EDF1: variants seen among roughly 807,000 people sequenced by gnomAD.
EDF1 encodes the protein endothelial differentiation-related factor 1.
Under a neutral mutation model 20.8 loss-of-function variants are expected in EDF1, and 5 were observed. The observed-to-expected ratio is 0.24, with a 90% CI of 0.13 to 0.51. The LOEUF (loss-of-function observed/expected upper bound fraction) is 0.51. Ranked by LOEUF, EDF1 falls within the 20% of genes least tolerant of loss-of-function variation. EDF1 has a pLI of 0.97. For synonymous variants in EDF1, 96 were observed against 78.5 expected (o/e 1.22, Z -1.18); for missense variants, 137 against 197.8 (o/e 0.69, Z 1.84).
At position 136,862,334 on chromosome 9, in the gene EDF1, G is replaced by T; in HGVS notation, c.397C>A (p.Arg133=). 1 of 1,613,866 alleles carries T rather than the reference G, an allele frequency of 6.2e-7. No individual in the cohort carries two copies. The highest frequency in any genetic ancestry group is 8.5e-7 in the Non-Finnish European group (1 of 1,179,972). ...ATGGGCTTTCCAATGTCCTTTCCCC[G>T]GAGCTTGAGGCCTGAAATGAGCCAC... is the stretch of plus-strand genomic sequence containing the variant. ...KIERAIGLKL[R]GKDIGKPIEK... The change falls in exon 5 of 5, where the codon CGG becomes AGG. Residue 133 remains arginine (R), a synonymous_variant. Coordinates refer to ENST00000224073, the MANE Select transcript of EDF1 (RefSeq NM_003792.4). This position sits in a 1 kb window ranked among gnomAD's most constrained non-coding sequence, Gnocchi z 4.1.
At chr9:136,864,650 G>A (rs561291452) in intron 1 of EDF1, among the ~76,000 whole-genome samples, 40 of 151,668 alleles carry the variant, frequency 2.6e-4, no homozygotes, top group Non-Finnish European at 4.9e-4. Context: ...TTGAGACAGA[G>A]TCTCACTCTG....
At chr9:136,864,740 C>T (rs1297894546) in intron 1 of EDF1, among the ~76,000 whole-genome samples, 2 of 152,152 alleles carry the variant, frequency 1.3e-5, no homozygotes, top group African/African-American at 4.8e-5. Flanking sequence ...TCTCCTGCCT[C>T]AGCCTCCCGA....
Position 136,866,301 on chromosome 9 carries a change from T to C in EDF1, c.-43A>G, listed in dbSNP as rs1849228436. ...GTCCGTCCGGCGGCTCAGCGGCAGC[T>C]GCTAGAGACCTGGCGCGGCGACGCT... On this transcript the variant is annotated 5_prime_UTR_variant, in exon 1 of 5. Coordinates refer to ENST00000224073, the MANE Select transcript of EDF1 (RefSeq NM_003792.4). 1 of 1,583,578 alleles carries C rather than the reference T, an allele frequency of 6.3e-7. No homozygotes were observed. Among genetic ancestry groups the C allele is most frequent in the Non-Finnish European group, 8.6e-7 (1 of 1,169,528 alleles).
chr9:136,863,428 GTTTGTT>G lies in EDF1; in HGVS notation c.145_150del (p.Asn49_Lys50del). 6.2e-7 allele frequency: 1 copy of G among 1,614,004 alleles called. No homozygotes were observed. Among genetic ancestry groups the G allele is most frequent in the Non-Finnish European group, 8.5e-7 (1 of 1,179,916 alleles). ...GCCGTGTTCTTGGTAATAGAATGTT[GTTTGTT>G]CTGGCCAGCAGCCCCTGGAGTCGGT... On this transcript the variant is annotated inframe_deletion, in exon 3 of 5. Coordinates refer to ENST00000224073, the MANE Select transcript of EDF1 (RefSeq NM_003792.4). The surrounding 1 kb of genome is among the most constrained non-coding windows in gnomAD (Gnocchi z 4.5).
chr9:136,862,366 T>C lies in EDF1; in HGVS notation c.386-21A>G. 6.2e-7 allele frequency: 1 copy of C among 1,614,016 alleles called. No individual in the cohort carries two copies. Among genetic ancestry groups the C allele is most frequent in the East Asian group, 2.2e-5 (1 of 44,872 alleles). On this transcript the variant is annotated intron_variant, in intron 4 of 4. Transcript: ENST00000224073. The surrounding 1 kb of genome is among the most constrained non-coding windows in gnomAD (Gnocchi z 4.1). ...GAGGCCTGAAATGAGCCACAGCCACTGGCCACTGCAGCACCAGCTCCCTCC... is the reference window on the plus strand; with the variant it reads ...GAGGCCTGAAATGAGCCACAGCCACCGGCCACTGCAGCACCAGCTCCCTCC...
intron 1 of EDF1, among the ~76,000 whole-genome samples, chr9:136,865,925 G>GCCTCCTGGGTCCGTCCATCC (rs1361923450): frequency 7.7e-6 from 1 of 129,104 alleles, no homozygotes; most frequent in Non-Finnish European, 1.6e-5. Context: ...CCCGCCCCCT[G>GCCTCCTGGGTCCGTCCATCC]CCTCCTGGGT....
Position 136,862,638 on chromosome 9 carries a change from C to T in EDF1, c.385+268G>A, listed in dbSNP as rs1233479553. ...GGCCCGGACCCGCTGTGCTCAGGCT[C>T]AGAGAACCATCGCCAACAGCACAGG... On this transcript the variant is annotated intron_variant, in intron 4 of 4. Coordinates refer to ENST00000224073, the MANE Select transcript of EDF1 (RefSeq NM_003792.4). The surrounding 1 kb of genome is among the most constrained non-coding windows in gnomAD (Gnocchi z 4.1). The T allele has an allele frequency of 4.0e-6, 6 of 1,502,630 alleles. No individual in the cohort carries two copies. The highest frequency in any genetic ancestry group is 1.3e-5 in the South Asian group (1 of 78,386). The allele number at this position is 1,502,630 out of a possible 1,614,324, so 93.1% of individuals were successfully genotyped here. A position where few individuals can be genotyped will look rare whatever the true frequency, so the allele number is the denominator to read the frequency against.
At position 136,863,240 on chromosome 9, in the gene EDF1, C is replaced by G; in HGVS notation, c.291+48G>C. ...TGCTATCTGAACACCGGCCATCCCC[C>G]TCCCCAAACCCACAACCCCAGGAGT... On this transcript the variant is annotated intron_variant, in intron 3 of 4. Transcript: ENST00000224073. This position sits in a 1 kb window ranked among gnomAD's most constrained non-coding sequence, Gnocchi z 4.5. 7.6e-6 allele frequency: 12 copies of G among 1,588,450 alleles called. No individual in the cohort carries two copies. The highest frequency in any genetic ancestry group is 1.0e-5 in the Non-Finnish European group (12 of 1,168,110).
Position 136,862,685 on chromosome 9 carries a change from A to G in EDF1, c.385+221T>C, listed in dbSNP as rs564103350. ...CAGGCTGACGGGAACTGGCAAGGGG[A>G]AGGGACTCGGACTCCACTTGCTCTT... is the stretch of plus-strand genomic sequence containing the variant. On this transcript the variant is annotated intron_variant, in intron 4 of 4. Coordinates refer to ENST00000224073, the MANE Select transcript of EDF1 (RefSeq NM_003792.4). This position sits in a 1 kb window ranked among gnomAD's most constrained non-coding sequence, Gnocchi z 4.1. 2.5e-5 allele frequency: 38 copies of G among 1,492,724 alleles called. No individual in the cohort carries two copies. In the African/African-American group the frequency reaches 4.9e-4, roughly 19 times the overall value. 92.5% of individuals were successfully genotyped at this position (1,492,724 alleles called of 1,614,324 possible). A position where few individuals can be genotyped will look rare whatever the true frequency, so the allele number is the denominator to read the frequency against.
Position 136,863,196 on chromosome 9 carries a change from G to C in EDF1, c.291+92C>G. On this transcript the variant is annotated intron_variant, in intron 3 of 4. Coordinates refer to ENST00000224073, the MANE Select transcript of EDF1 (RefSeq NM_003792.4). The surrounding 1 kb of genome is among the most constrained non-coding windows in gnomAD (Gnocchi z 4.5). ...CATTCCCTGCAGGGGAACCAGGGGG[G>C]TGGAGCCCACCCTCCCCGTGCTATC... 2 of 1,552,056 alleles carry C rather than the reference G, an allele frequency of 1.3e-6. No individual in the cohort carries two copies. Among genetic ancestry groups the C allele is most frequent in the Admixed American group, 1.7e-5 (1 of 57,478 alleles).
In EDF1 at chr9:136,862,214, C is replaced by CGGAACTGGCGGCCAAGG; in HGVS notation, c.*53_*69dup. On this transcript the variant is annotated 3_prime_UTR_variant, in exon 5 of 5. Coordinates refer to ENST00000224073, the MANE Select transcript of EDF1 (RefSeq NM_003792.4). The surrounding 1 kb of genome is among the most constrained non-coding windows in gnomAD (Gnocchi z 4.1). ...TGTTCCGTTCGGCCCGTGAGGAGAA[C>CGGAACTGGCGGCCAAGG]GGAACTGGCGGCCAAGGGGAACCGG... is the stretch of plus-strand genomic sequence containing the variant. The CGGAACTGGCGGCCAAGG allele has an allele frequency of 6.3e-7, 1 of 1,599,778 alleles. No homozygotes were observed. Among genetic ancestry groups the CGGAACTGGCGGCCAAGG allele is most frequent in the East Asian group, 2.2e-5 (1 of 44,698 alleles).
chr9:136,862,764 G>A lies in EDF1; in HGVS notation c.385+142C>T, dbSNP rs1356629129. 1.4e-5 allele frequency: 22 copies of A among 1,593,696 alleles called. No individual in the cohort carries two copies. Among genetic ancestry groups the A allele is most frequent in the Non-Finnish European group, 1.8e-5 (21 of 1,172,826 alleles). ...CACCATCCCTCAGTCTGTACTACCT[G>A]GAGAAGCAAAGCTCCAGAATTCAGA... is the stretch of plus-strand genomic sequence containing the variant. On this transcript the variant is annotated intron_variant, in intron 4 of 4. Transcript: ENST00000224073. This position sits in a 1 kb window ranked among gnomAD's most constrained non-coding sequence, Gnocchi z 4.1.
At position 136,862,515 on chromosome 9, in the gene EDF1, A is replaced by C; in HGVS notation, c.386-170T>G. The C allele has an allele frequency of 6.2e-7, 1 of 1,609,720 alleles. No individual in the cohort carries two copies. The highest frequency in any genetic ancestry group is 8.5e-7 in the Non-Finnish European group (1 of 1,179,706). ...CCCACATCTAATTTTGAAGAGGATG[A>C]GTCTGATCACCTTAGACAGCAGAGC... On this transcript the variant is annotated intron_variant, in intron 4 of 4. Transcript: ENST00000224073. This position sits in a 1 kb window ranked among gnomAD's most constrained non-coding sequence, Gnocchi z 4.1.
rs1849136002 is a variant in EDF1, at chr9:136,862,934, C to T, written c.357G>A (p.Gln119=). The change falls in exon 4 of 5, where the codon CAG becomes CAA. Residue 119 remains glutamine, a synonymous_variant. Transcript: ENST00000224073. The surrounding 1 kb of genome is among the most constrained non-coding windows in gnomAD (Gnocchi z 4.1). ...YESGRAIPNN[Q]VLGKIERAIG... is the part of the protein sequence containing the mutation. ...TGGCCCGCTCGATTTTGCCAAGCAC[C>T]TGGTTATTGGGTATGGCCCGTCCGC... The T allele has an allele frequency of 1.2e-6, 2 of 1,613,970 alleles. No homozygotes were observed. Among genetic ancestry groups the T allele is most frequent in the East Asian group, 4.5e-5 (2 of 44,890 alleles).
In EDF1 at chr9:136,863,096, C is replaced by G. The variant is rs1849140355; in HGVS notation, c.292-97G>C. The G allele has an allele frequency of 1.3e-6, 2 of 1,554,724 alleles. No individual in the cohort carries two copies. The highest frequency in any genetic ancestry group is 2.7e-5 in the African/African-American group (2 of 73,660). Reference sequence around the variant, plus strand: ...CTGAGAACAGCAGCTTCTAGGGCCCCTGGGGTACGCACCCACACGCAGCTG... The same window carrying G: ...CTGAGAACAGCAGCTTCTAGGGCCCGTGGGGTACGCACCCACACGCAGCTG... On this transcript the variant is annotated intron_variant, in intron 3 of 4. Transcript: ENST00000224073. This position sits in a 1 kb window ranked among gnomAD's most constrained non-coding sequence, Gnocchi z 4.5.
intron 1 of EDF1, among the ~76,000 whole-genome samples, chr9:136,865,974 C>G (rs1849215591): frequency 6.7e-6 from 1 of 149,396 alleles, no homozygotes; most frequent in Non-Finnish European, 1.5e-5. Flanking sequence ...CACCTTCCCA[C>G]CCCTGTCCTG....
In EDF1 at chr9:136,862,809, C is replaced by A; in HGVS notation, c.385+97G>T. ...TTCAGAGAACAGGGGACCCCCAGGG[C>A]CATCTTCTTCCCCCGAGTCCCACTC... On this transcript the variant is annotated intron_variant, in intron 4 of 4. Coordinates refer to ENST00000224073, the MANE Select transcript of EDF1 (RefSeq NM_003792.4). The surrounding 1 kb of genome is among the most constrained non-coding windows in gnomAD (Gnocchi z 4.1). 2.5e-6 allele frequency: 4 copies of A among 1,610,232 alleles called. No homozygotes were observed. Among genetic ancestry groups the A allele is most frequent in the Non-Finnish European group, 3.4e-6 (4 of 1,179,390 alleles).
In EDF1 at chr9:136,866,116, C is replaced by A. The variant is rs547749402; in HGVS notation, c.78+65G>T. 1.5e-4 allele frequency: 233 copies of A among 1,508,012 alleles called. 4 individuals carry two copies. The South Asian group carries it at 2.7e-3, about 18-fold the overall frequency. The allele number at this position is 1,508,012 out of a possible 1,614,324, so 93.4% of individuals were successfully genotyped here. ...GCCCTTCCCCGAGCCCCCTGCCCCACGGTCCGTGGCCCCGGCCCAGCGTCC... is the reference window on the plus strand; with the variant it reads ...GCCCTTCCCCGAGCCCCCTGCCCCAAGGTCCGTGGCCCCGGCCCAGCGTCC... On this transcript the variant is annotated intron_variant, in intron 1 of 4. Transcript: ENST00000224073.
At position 136,863,039 on chromosome 9, in the gene EDF1, G is replaced by C. The variant is rs1398148820; in HGVS notation, c.292-40C>G. On this transcript the variant is annotated intron_variant, in intron 3 of 4. Coordinates refer to ENST00000224073, the MANE Select transcript of EDF1 (RefSeq NM_003792.4). This position sits in a 1 kb window ranked among gnomAD's most constrained non-coding sequence, Gnocchi z 4.5. Reference sequence around the variant, plus strand: ...TGCTTTATACACATCAGCTCCACTAGGACTGCTGCAAAACCAGGCGCGAAG... The same window carrying C: ...TGCTTTATACACATCAGCTCCACTACGACTGCTGCAAAACCAGGCGCGAAG... The C allele has an allele frequency of 3.7e-6, 6 of 1,611,260 alleles. No individual in the cohort carries two copies. Among genetic ancestry groups the C allele is most frequent in the Non-Finnish European group, 5.1e-6 (6 of 1,178,456 alleles).
Sources: allele counts gnomAD v4.1 joint callset (sites outside exome capture counted in the v4.1 genomes callset), GRCh38; gene constraint gnomAD v4.1.1; non-coding constraint Gnocchi (gnomAD v3.1); transcripts MANE v1.5; gene names NCBI Gene and HGNC (gene_info 2026-07-23, HGNC 2026-07-21).